Variants in RSPH14 observed in about 807,000 individuals in gnomAD.
RSPH14 encodes rhabdoid tumor deletion region gene 1.
RSPH14 carries 20 observed loss-of-function variants against 26.7 expected under a neutral mutation model. The observed-to-expected ratio is 0.75, with a 90% CI of 0.53 to 1.09. The LOEUF (loss-of-function observed/expected upper bound fraction) is 1.09. RSPH14 is among the 50% of genes least tolerant of loss of function. The pLI, the probability that RSPH14 is intolerant of heterozygous loss-of-function variation, is 0.00. For missense variants in RSPH14, 449 were observed against 457.2 expected, an observed-to-expected ratio of 0.98 and a Z score of 0.16; for synonymous variants, 177 against 189.3, an observed-to-expected ratio of 0.93 and a Z score of 0.53.
At chr22:23,108,161 C>T (rs1013554537) in intron 4 of RSPH14, among the ~76,000 whole-genome samples, 6 of 152,246 alleles carry the variant, frequency 3.9e-5, no homozygotes, top group African/African-American at 7.2e-5. Flanking sequence ...AATCCCAACC[C>T]CTGCCCCTGT....
chr22:23,094,884 C>G (rs1165606345), intron 4 of RSPH14, among the ~76,000 whole-genome samples: 2 of 152,250 alleles, frequency 1.3e-5, no homozygotes, highest in African/African-American at 4.8e-5. Flanking sequence ...TGAGCTCTAT[C>G]AGTGCTGTCT....
intron 4 of RSPH14, among the ~76,000 whole-genome samples, chr22:23,102,924 G>A (rs897451922): frequency 1.7e-4 from 26 of 152,366 alleles, no homozygotes; most frequent in Non-Finnish European, 3.1e-4. Context: ...GTCAGCCAGC[G>A]TGGGCTCTGC....
At chr22:23,158,929 G>A in the RSPH14 span, 10 of 1,614,102 alleles carry the variant, frequency 6.2e-6, no homozygotes, top group East Asian at 4.5e-5. Context: ...GAGGGAGAAC[G>A]AGGCAGGCTC....
At chr22:23,084,692 G>A (rs1317476547) in intron 4 of RSPH14, among the ~76,000 whole-genome samples, 1 of 152,198 alleles carries the variant, frequency 6.6e-6, no homozygotes, top group Non-Finnish European at 1.5e-5. Context: ...ATGCAGCCTT[G>A]AGAGCTGCAG....
chr22:23,063,757 T>TC (rs2068139642), intron 5 of RSPH14, 145 bp downstream of exon 5: 1 of 707,858 alleles, frequency 1.4e-6, no homozygotes, highest in African/African-American at 1.8e-5. Context: ...GAGAAGGTCA[T>TC]CCTCTGTCCC....
chr22:23,076,794 T>C (rs1240373045), intron 4 of RSPH14, among the ~76,000 whole-genome samples: 2 of 152,222 alleles, frequency 1.3e-5, no homozygotes, highest in African/African-American at 4.8e-5. Context: ...GAGTGGCCTT[T>C]CCAGGTGGCC....
intron 4 of RSPH14, among the ~76,000 whole-genome samples, chr22:23,080,102 T>G (rs756402688): frequency 6.6e-6 from 1 of 152,184 alleles, no homozygotes; most frequent in South Asian, 2.1e-4. Flanking sequence ...ATTTGGCTCT[T>G]AATGAAGGCC....
At chr22:23,060,279 G>C (rs1348788453) in intron 6 of RSPH14, among the ~76,000 whole-genome samples, 5 of 152,066 alleles carry the variant, frequency 3.3e-5, no homozygotes, top group African/African-American at 4.8e-5. Flanking sequence ...TGACCATCCT[G>C]GCTAACACAG....
At chr22:23,086,027 A>G (rs542392064) in intron 4 of RSPH14, among the ~76,000 whole-genome samples, 2 of 152,388 alleles carry the variant, frequency 1.3e-5, no homozygotes, top group East Asian at 3.9e-4. Context: ...GCCCCTGGCT[A>G]GTGGCAGAAG....
chr22:23,069,471 T>G (rs552161110), intron 4 of RSPH14, among the ~76,000 whole-genome samples: 13 of 152,310 alleles, frequency 8.5e-5, no homozygotes, highest in African/African-American at 2.9e-4. Flanking sequence ...ACAGATAGGC[T>G]TTGAAATTGA....
At chr22:23,161,126 C>A in the RSPH14 span, 2 of 1,205,392 alleles carry the variant, frequency 1.7e-6, no homozygotes, top group Non-Finnish European at 2.3e-6. Context: ...CTTTGACCCT[C>A]CTCTCAGGGT....
chr22:23,128,785 A>C (rs1489344780), intron 4 of RSPH14, among the ~76,000 whole-genome samples: 1 of 152,242 alleles, frequency 6.6e-6, no homozygotes, highest in Non-Finnish European at 1.5e-5. Flanking sequence ...AGGTAAGTGA[A>C]CTGTAGCAAG....
chr22:23,130,299 C>CA lies in RSPH14; in HGVS notation c.421+3726dup, dbSNP rs548082311. ...TGAAACCCCGTTTCTACTAAAAATACAAAAAATCAGCCGGGCATGGTGGCG... is the reference window on the plus strand; with the variant it reads ...TGAAACCCCGTTTCTACTAAAAATACAAAAAAATCAGCCGGGCATGGTGGCG... On this transcript the variant is annotated intron_variant, in intron 4 of 6. Coordinates refer to ENST00000216036, the MANE Select transcript of RSPH14 (RefSeq NM_014433.3). Among the ~76,000 whole-genome samples, 260 of 149,218 alleles carry CA rather than the reference C, an allele frequency of 1.7e-3. 1 individual carries two copies. The highest frequency in any genetic ancestry group is 4.8e-3 in the African/African-American group (193 of 40,510).
At chr22:23,125,628 T>C (rs903485829) in intron 4 of RSPH14, among the ~76,000 whole-genome samples, 1 of 152,210 alleles carries the variant, frequency 6.6e-6, no homozygotes, top group Non-Finnish European at 1.5e-5. Flanking sequence ...GGCTCCTTAC[T>C]AATGATTTTA....
intron 4 of RSPH14, among the ~76,000 whole-genome samples, chr22:23,125,507 T>G (rs909201634): frequency 2.0e-5 from 3 of 152,158 alleles, no homozygotes; most frequent in African/African-American, 4.8e-5. Flanking sequence ...CATGCAGTGC[T>G]CGCTGACTGG....
the RSPH14 span, among the ~76,000 whole-genome samples, chr22:23,167,738 G>A: frequency 1.9e-3 from 295 of 152,012 alleles, 1 homozygote; most frequent in Non-Finnish European, 3.0e-3. Context: ...AACACAGCCA[G>A]GGTCTCGCTG....
intron 4 of RSPH14, among the ~76,000 whole-genome samples, chr22:23,093,446 C>G (rs573105060): frequency 6.6e-6 from 1 of 152,324 alleles, no homozygotes; most frequent in African/African-American, 2.4e-5. Flanking sequence ...ACGGGCCCTC[C>G]TCACCCGCAC....
At chr22:23,147,256 A>G (rs796354887), upstream of RSPH14, among the ~76,000 whole-genome samples, 20 of 152,134 alleles carry the variant, frequency 1.3e-4, no homozygotes, top group African/African-American at 4.8e-4. Flanking sequence ...ATTGAGTACA[A>G]CCTCCATAGG....
rs1334506642 is a variant in RSPH14 at position 23,079,622 on chromosome 22, C to G, written c.422-15489G>C. On this transcript the variant is annotated intron_variant, in intron 4 of 6. Coordinates refer to ENST00000216036, the MANE Select transcript of RSPH14 (RefSeq NM_014433.3). The stretch of plus-strand genomic sequence containing the variant: ...TGAGACATACTCTGCCTCATTTTTA[C>G]AAGGATGCCCCTGGCTGCTGGTGGA... Among the ~76,000 whole-genome samples, 8 of 152,196 alleles carry G rather than the reference C, an allele frequency of 5.3e-5. No individual in the cohort carries two copies. In the South Asian group the frequency reaches 1.4e-3, roughly 28 times the overall value.
Sources: gnomAD v4.1 joint callset for allele counts (sites outside exome capture counted in the v4.1 genomes callset) on GRCh38, gnomAD v4.1.1 for gene constraint, MANE v1.5 for transcripts, NCBI Gene and HGNC (gene_info 2026-07-23, HGNC 2026-07-21) for gene names.